The following MTHFD1L variants were observed in gnomAD, a reference collection of about 807,000 sequenced individuals.
MTHFD1L encodes the protein methylenetetrahydrofolate dehydrogenase (NADP+ dependent) 1 like.
A neutral mutation model predicts 119.5 loss-of-function variants in MTHFD1L; 81 were observed. That is an observed-to-expected ratio of 0.68 (90% CI 0.57 to 0.82). The LOEUF (loss-of-function observed/expected upper bound fraction) is 0.82, where lower values mean the gene tolerates loss of function less well. MTHFD1L is among the 40% of genes least tolerant of loss of function. MTHFD1L has a pLI of 0.00. For synonymous variants in MTHFD1L, 430 were observed against 475.2 expected, an observed-to-expected ratio of 0.90 and a Z score of 1.24; for missense variants, 1,125 against 1,253.4, an observed-to-expected ratio of 0.90 and a Z score of 1.55.
At chr6:150,944,453 A>C (rs1428718942) in intron 13 of MTHFD1L, 33 bp from the exon 14 acceptor site, 1 of 1,505,316 alleles carries the variant, frequency 6.6e-7, no homozygotes, top group Non-Finnish European at 9.2e-7. Context: ...ATTTCTGAAA[A>C]TAAATAAATA....
intron 7 of MTHFD1L, among the ~76,000 whole-genome samples, chr6:150,903,203 A>ATTTTTTT (rs774695918): frequency 7.0e-5 from 6 of 85,472 alleles, no homozygotes; most frequent in Non-Finnish European, 1.3e-4. Flanking sequence ...TGGCTGCAAA[A>ATTTTTTT]TTTTTTTTTT....
intron 26 of MTHFD1L, among the ~76,000 whole-genome samples, chr6:151,060,780 G>T (rs1464526532): frequency 6.6e-6 from 1 of 151,454 alleles, no homozygotes; most frequent in African/African-American, 2.4e-5. Context: ...GTCTTGTGAG[G>T]CCTTGAGCGT....
At chr6:150,895,613 G>GTTTTT (rs10630027) in intron 7 of MTHFD1L, among the ~76,000 whole-genome samples, 2 of 134,464 alleles carry the variant, frequency 1.5e-5, no homozygotes, top group Non-Finnish European at 1.6e-5. Context: ...GTTTTTTGTG[G>GTTTTT]TTTTTTTTTT....
intron 24 of MTHFD1L, among the ~76,000 whole-genome samples, chr6:151,025,259 C>T (rs764258060): frequency 5.9e-5 from 9 of 152,330 alleles, no homozygotes; most frequent in Middle Eastern, 3.4e-3. Flanking sequence ...TGAGCAGGCT[C>T]GTGGACGTCG....
At chr6:151,089,588 G>A (rs1479751756) in intron 26 of MTHFD1L, among the ~76,000 whole-genome samples, 1 of 152,226 alleles carries the variant, frequency 6.6e-6, no homozygotes, top group Non-Finnish European at 1.5e-5. Flanking sequence ...GGGTGAGAGT[G>A]AGACTCTGTC....
intron 7 of MTHFD1L, among the ~76,000 whole-genome samples, chr6:150,891,072 G>C (rs550444175): frequency 6.6e-6 from 1 of 152,264 alleles, no homozygotes; most frequent in East Asian, 1.9e-4. Flanking sequence ...TGCAACCTCT[G>C]TCTCCTGGGT....
At chr6:150,899,838 G>A (rs986143901) in intron 7 of MTHFD1L, among the ~76,000 whole-genome samples, 13 of 151,886 alleles carry the variant, frequency 8.6e-5, no homozygotes, top group Non-Finnish European at 1.8e-4. Flanking sequence ...TGGGTGTGGT[G>A]GCATGCGCCT....
chr6:150,875,220 T>TA (rs1448270458), intron 1 of MTHFD1L, among the ~76,000 whole-genome samples: 1 of 152,062 alleles, frequency 6.6e-6, no homozygotes, highest in Non-Finnish European at 1.5e-5. Flanking sequence ...CACGCCCAGC[T>TA]AAATTGTTTA....
At chr6:150,914,606 C>T (rs1317021048) in intron 8 of MTHFD1L, among the ~76,000 whole-genome samples, 1 of 152,082 alleles carries the variant, frequency 6.6e-6, no homozygotes, top group Non-Finnish European at 1.5e-5. Flanking sequence ...CTGCAATGAT[C>T]GTGATCACAT....
chr6:150,988,429 G>C (rs1284819436), intron 20 of MTHFD1L, among the ~76,000 whole-genome samples: 4 of 152,068 alleles, frequency 2.6e-5, no homozygotes, highest in Non-Finnish European at 4.4e-5. Context: ...AGCAACGTTT[G>C]GTATAATTAC....
intron 1 of MTHFD1L, among the ~76,000 whole-genome samples, chr6:150,874,624 G>A (rs1780091439): frequency 2.0e-5 from 3 of 152,222 alleles, no homozygotes; most frequent in Admixed American, 2.0e-4. Context: ...TCCTGTGGCT[G>A]CGCCTTTGGT....
Position 150,916,737 on chromosome 6 carries a change from CTTTTTTTTTTT to C in MTHFD1L, c.893-1808_893-1798del, listed in dbSNP as rs57961829. On this transcript the variant is annotated intron_variant, in intron 8 of 27. Transcript: ENST00000367321. ...TTTTGATGGAAAATTGATTCTATCC[CTTTTTTTTTTT>C]TTTTTTTTTTTTTTTTTTTTTTTTT... Among the ~76,000 whole-genome samples, 91 of 72,074 alleles carry C rather than the reference CTTTTTTTTTTT, an allele frequency of 1.3e-3. 1 individual carries two copies. Among genetic ancestry groups the C allele is most frequent in the East Asian group, 2.5e-3 (5 of 2,010 alleles). 47.3% of individuals were successfully genotyped at this position (72,074 alleles called of 152,430 possible). A position where few individuals can be genotyped will look rare whatever the true frequency, so the allele number is the denominator to read the frequency against.
rs1791692789 is a variant in MTHFD1L, at chr6:151,069,276, T to TCTCTCC, written c.2848-23187_2848-23182dup. Among the ~76,000 whole-genome samples, 3 of 151,432 alleles carry TCTCTCC rather than the reference T, an allele frequency of 2.0e-5. No individual in the cohort carries two copies. The South Asian group carries it at 6.3e-4, about 32-fold the overall frequency. ...TTCTCTCTCTCTCTCTCTCTCTCTCTCTCTCCCTCCCTCTCTCTGTCATAG... is the reference window on the plus strand; with the variant it reads ...TTCTCTCTCTCTCTCTCTCTCTCTCTCTCTCCCTCTCCCTCCCTCTCTCTGTCATAG... On this transcript the variant is annotated intron_variant, in intron 26 of 27. Transcript: ENST00000367321.
intron 20 of MTHFD1L, among the ~76,000 whole-genome samples, chr6:150,985,660 CAAA>C (rs71014533): frequency 5.1e-5 from 4 of 78,962 alleles, no homozygotes; most frequent in African/African-American, 4.9e-5. Context: ...GACTCTGTCT[CAAA>C]AAAAAAAAAA....
intron 25 of MTHFD1L, among the ~76,000 whole-genome samples, chr6:151,036,245 C>T (rs1334725136): frequency 6.6e-6 from 1 of 152,136 alleles, no homozygotes; most frequent in African/African-American, 2.4e-5. Context: ...GCAAAACCTC[C>T]ATCTCTATTT....
At chr6:150,897,022 C>T (rs1404404897) in intron 7 of MTHFD1L, among the ~76,000 whole-genome samples, 1 of 151,820 alleles carries the variant, frequency 6.6e-6, no homozygotes, top group African/African-American at 2.4e-5. Context: ...GAGGCTGAGG[C>T]AGAAGAATAG....
intron 7 of MTHFD1L, among the ~76,000 whole-genome samples, chr6:150,898,329 T>C (rs776745926): frequency 1.9e-4 from 29 of 152,170 alleles, no homozygotes; most frequent in Non-Finnish European, 1.9e-4. Context: ...CAAGGAGCAG[T>C]GTCTGGACTT....
chr6:151,033,238 G>A (rs1490992901), intron 24 of MTHFD1L, among the ~76,000 whole-genome samples: 1 of 151,844 alleles, frequency 6.6e-6, no homozygotes, highest in Non-Finnish European at 1.5e-5. Flanking sequence ...TCCTGCCTCA[G>A]CCTCCTGAGT....
chr6:151,050,603 G>A (rs1788864971), intron 26 of MTHFD1L, among the ~76,000 whole-genome samples: 3 of 152,154 alleles, frequency 2.0e-5, no homozygotes, highest in Non-Finnish European at 4.4e-5. Context: ...AGTTCCAGAG[G>A]CCCAGACTTG....
Sources: allele counts gnomAD v4.1 joint callset (sites outside exome capture counted in the v4.1 genomes callset), GRCh38; gene constraint gnomAD v4.1.1; transcripts MANE v1.5; gene names NCBI Gene and HGNC (gene_info 2026-07-23, HGNC 2026-07-21).